The following MYT1L variants were observed in gnomAD, a reference collection of about 807,000 sequenced individuals.
MYT1L encodes the protein myelin transcription factor 1-like protein.
Under a neutral mutation model 126.7 loss-of-function variants are expected in MYT1L, and 12 were observed. That is an observed-to-expected ratio of 0.09 (90% confidence interval 0.06 to 0.15). The LOEUF is 0.15. Ranked by LOEUF, MYT1L falls within the 10% of genes least tolerant of loss-of-function variation. MYT1L has a pLI of 1.00. For missense variants in MYT1L, 979 were observed against 1,585.2 expected, an observed-to-expected ratio of 0.62 and a Z score of 6.49; for synonymous variants, 541 against 604.2, an observed-to-expected ratio of 0.90 and a Z score of 1.53.
intron 18 of MYT1L, among the ~76,000 whole-genome samples, chr2:1,865,437 G>A (rs537722546): frequency 3.9e-5 from 6 of 152,152 alleles, no homozygotes; most frequent in Non-Finnish European, 8.8e-5. Flanking sequence ...TTGGTGTGGC[G>A]TGTGTTCAGA....
chr2:2,323,030 A>G (rs950088495), intron 1 of MYT1L, among the ~76,000 whole-genome samples: 3 of 152,208 alleles, frequency 2.0e-5, no homozygotes, highest in African/African-American at 4.8e-5. Context: ...TTGAAAAAAC[A>G]ATAGATAATT....
intron 3 of MYT1L, among the ~76,000 whole-genome samples, chr2:2,146,146 G>T (rs1331129030): frequency 2.0e-5 from 3 of 152,206 alleles, no homozygotes; most frequent in African/African-American, 7.2e-5. Flanking sequence ...AAGCACATCA[G>T]GATAGAGTTT....
intron 2 of MYT1L, among the ~76,000 whole-genome samples, chr2:2,212,077 C>G (rs1325993085): frequency 7.2e-5 from 11 of 152,160 alleles, no homozygotes; most frequent in Non-Finnish European, 2.9e-5. Flanking sequence ...AAGTCCCCAT[C>G]TAGACACATG....
In MYT1L at chr2:1,859,252, G is replaced by C. The variant is rs187989002; in HGVS notation, c.2712-7549C>G. On this transcript the variant is annotated intron_variant, in intron 18 of 24. Transcript: ENST00000647738. The stretch of plus-strand genomic sequence containing the variant: ...TATATTTGTGGCATTTAGGTGGAAT[G>C]CTTGCTTTCTGATATATGTAACCTG... Among the ~76,000 whole-genome samples, 162 of 152,326 alleles carry C rather than the reference G, an allele frequency of 1.1e-3. No individual in the cohort carries two copies. The Middle Eastern group carries it at 0.027, about 26-fold the overall frequency.
intron 18 of MYT1L, among the ~76,000 whole-genome samples, chr2:1,861,273 A>G (rs1342570038): frequency 2.0e-5 from 3 of 151,838 alleles, no homozygotes; most frequent in Admixed American, 1.3e-4. Context: ...TTTCAGTTAC[A>G]TAAGGGAGGT....
At chr2:2,004,518 ATTTCCTGCATACGTTC>A (rs2062925448) in intron 4 of MYT1L, among the ~76,000 whole-genome samples, 1 of 37,584 alleles carries the variant, frequency 2.7e-5, no homozygotes, top group Non-Finnish European at 5.5e-5. Flanking sequence ...TGCAGGCATT[ATTTCCTGCATACGTTC>A]TTTCCTGCAT....
intron 8 of MYT1L, among the ~76,000 whole-genome samples, chr2:1,952,598 T>G (rs1329012573): frequency 6.6e-6 from 1 of 151,602 alleles, no homozygotes; most frequent in Admixed American, 6.6e-5. Flanking sequence ...CCTCTGTTCC[T>G]TTAAAGCTGA....
intron 1 of MYT1L, among the ~76,000 whole-genome samples, chr2:2,300,389 A>T (rs867561901): frequency 6.6e-6 from 1 of 152,322 alleles, no homozygotes; most frequent in Non-Finnish European, 1.5e-5. Context: ...TCTAATACTC[A>T]GCTTTCAGGC....
In MYT1L at chr2:1,886,524, GTCA is replaced by G; in HGVS notation, c.2711+12_2711+14del. On this transcript the variant is annotated intron_variant, in intron 18 of 24. Coordinates refer to ENST00000647738, the MANE Select transcript of MYT1L (RefSeq NM_001303052.2). Reference sequence around the variant, plus strand: ...CATGGATTTTTAAAAGAGAATTATTGTCATTAAATCTTACTTGAGTTCTTGGGA... The same window carrying G: ...CATGGATTTTTAAAAGAGAATTATTGTTAAATCTTACTTGAGTTCTTGGGA... 6.5e-7 allele frequency: 1 copy of G among 1,545,324 alleles called. No homozygotes were observed. The highest frequency in any genetic ancestry group is 8.7e-7 in the Non-Finnish European group (1 of 1,145,300).
chr2:2,184,234 T>C (rs1412673101), intron 2 of MYT1L, among the ~76,000 whole-genome samples: 1 of 152,160 alleles, frequency 6.6e-6, no homozygotes, highest in Non-Finnish European at 1.5e-5. Flanking sequence ...TTCAATATTA[T>C]CTAAATATAT....
intron 2 of MYT1L, among the ~76,000 whole-genome samples, chr2:2,178,062 T>C (rs1009104296): frequency 2.6e-5 from 4 of 152,094 alleles, no homozygotes; most frequent in African/African-American, 7.2e-5. Context: ...TGTTTATTTA[T>C]AAATAGATAA....
At position 2,032,566 on chromosome 2, in the gene MYT1L, T is replaced by C. The variant is rs1203879447; in HGVS notation, c.-158+21412A>G. Among the ~76,000 whole-genome samples the C allele has an allele frequency of 4.3e-5, 6 of 140,468 alleles. No homozygotes were observed. The Admixed American group carries it at 4.3e-4, about 10-fold the overall frequency. 92.2% of individuals were successfully genotyped at this position (140,468 alleles called of 152,430 possible). A position where few individuals can be genotyped will look rare whatever the true frequency, so the allele number is the denominator to read the frequency against. ...ACACATCCCTCCCCAGTGCCTCTCATCCTGCGGCCCAGAGAAGATTCTAGA... is the reference window on the plus strand; with the variant it reads ...ACACATCCCTCCCCAGTGCCTCTCACCCTGCGGCCCAGAGAAGATTCTAGA... On this transcript the variant is annotated intron_variant, in intron 4 of 24. Transcript: ENST00000647738.
Position 1,830,866 on chromosome 2 carries a change from A to G in MYT1L, c.3080+8283T>C, listed in dbSNP as rs1298251975. ...CCTCACAGGATCCTCCAAATTCCAC[A>G]GCCCCTTGGTGGCTGGTGGCCTGGA... On this transcript the variant is annotated intron_variant, in intron 21 of 24. Coordinates refer to ENST00000647738, the MANE Select transcript of MYT1L (RefSeq NM_001303052.2). 6.6e-6 allele frequency among the ~76,000 whole-genome samples: 1 copy of G among 152,138 alleles called. No individual in the cohort carries two copies. The highest frequency in any genetic ancestry group is 1.5e-5 in the Non-Finnish European group (1 of 68,004).
intron 3 of MYT1L, among the ~76,000 whole-genome samples, chr2:2,069,172 G>A (rs1322947916): frequency 5.3e-5 from 8 of 151,906 alleles, no homozygotes; most frequent in African/African-American, 1.7e-4. Flanking sequence ...TGCTACACCC[G>A]TCAACTCGTC....
intron 18 of MYT1L, among the ~76,000 whole-genome samples, chr2:1,883,277 G>A (rs11127306): frequency 0.16 from 23,967 of 152,220 alleles, 2,137 homozygotes; most frequent in East Asian, 0.31. Context: ...TGATCGAAAT[G>A]AGTTTGTATT....
chr2:1,833,357 C>T (rs1177642168), intron 21 of MYT1L, among the ~76,000 whole-genome samples: 5 of 151,630 alleles, frequency 3.3e-5, no homozygotes, highest in South Asian at 2.1e-4. Context: ...CTGTCCAGAA[C>T]GCTTGCTGGG....
chr2:2,032,992 ACC>A (rs1275412220), intron 4 of MYT1L, among the ~76,000 whole-genome samples: 1 of 105,468 alleles, frequency 9.5e-6, no homozygotes, highest in African/African-American at 3.8e-5. Context: ...CCTTATACAC[ACC>A]CCCTCGCCAG....
rs948944762 is a variant in MYT1L at position 2,201,736 on chromosome 2, C to T, written c.-420-28748G>A. Among the ~76,000 whole-genome samples, 22 of 149,446 alleles carry T rather than the reference C, an allele frequency of 1.5e-4. No homozygotes were observed. The East Asian group carries it at 4.0e-3, about 27-fold the overall frequency. The stretch of plus-strand genomic sequence containing the variant: ...AATCGTAAGTGTTTTAAAGTTTAAC[C>T]TTTCAAGTGGTATTTTCAGCTAAAC... On this transcript the variant is annotated intron_variant, in intron 2 of 24. Transcript: ENST00000647738.
chr2:2,140,666 C>T (rs2083837347), intron 3 of MYT1L, among the ~76,000 whole-genome samples: 1 of 152,072 alleles, frequency 6.6e-6, no homozygotes, highest in African/African-American at 2.4e-5. Flanking sequence ...GATCTCCTGA[C>T]CTCATGATCC....
Sources: allele counts gnomAD v4.1 joint callset (sites outside exome capture counted in the v4.1 genomes callset), GRCh38; gene constraint gnomAD v4.1.1; transcripts MANE v1.5; gene names NCBI Gene and HGNC (gene_info 2026-07-23, HGNC 2026-07-21).